DIPK1A: variants seen among roughly 807,000 people sequenced by gnomAD.
DIPK1A encodes family with sequence similarity 69 member A.
In DIPK1A, 27 loss-of-function variants were observed where a neutral mutation model predicts 40.8. The ratio of observed to expected loss-of-function variants is 0.66; its 90% CI spans 0.49 to 0.91. DIPK1A has a LOEUF of 0.91. DIPK1A is among the 40% of genes least tolerant of loss of function. DIPK1A has a pLI of 0.00. For missense variants in DIPK1A, 412 were observed against 505.7 expected, an observed-to-expected ratio of 0.81 and a Z score of 1.78; for synonymous variants, 166 against 171.3, an observed-to-expected ratio of 0.97 and a Z score of 0.24.
chr1:92,908,577 G>A (rs1649714161), intron 1 of DIPK1A, among the ~76,000 whole-genome samples: 1 of 152,166 alleles, frequency 6.6e-6, no homozygotes, highest in Non-Finnish European at 1.5e-5. Context: ...CTGAAGAGTA[G>A]GAGGTGTGAT....
chr1:92,952,752 A>T (rs1445998385), intron 1 of DIPK1A, among the ~76,000 whole-genome samples: 1 of 152,180 alleles, frequency 6.6e-6, no homozygotes, highest in Admixed American at 6.5e-5. Flanking sequence ...ATCTAAAAAA[A>T]ATCCTTTATG....
chr1:92,950,384 G>A (rs1265916680), intron 1 of DIPK1A, among the ~76,000 whole-genome samples: 3 of 152,172 alleles, frequency 2.0e-5, no homozygotes, highest in African/African-American at 7.2e-5. Context: ...GAAATGAAGA[G>A]CGGTGCTCAG....
intron 1 of DIPK1A, among the ~76,000 whole-genome samples, chr1:92,878,814 G>C (rs1648246680): frequency 7.0e-6 from 1 of 142,610 alleles, no homozygotes; most frequent in African/African-American, 2.6e-5. Context: ...GCGAGACTCT[G>C]TCTCAAAAAC....
rs537693529 is a variant in DIPK1A, at chr1:92,911,207, G to A, written c.55-34777C>T. Among the ~76,000 whole-genome samples, 12 of 152,240 alleles carry A rather than the reference G, an allele frequency of 7.9e-5. No homozygotes were observed. In the South Asian group the frequency reaches 1.2e-3, roughly 16 times the overall value. ...TAATTGTATGAGGAAGTGAGTTTTG[G>A]GGAGGTGACTAAAACATGGGGGCAG... On this transcript the variant is annotated intron_variant, in intron 1 of 4. Transcript: ENST00000370310.
intron 2 of DIPK1A, among the ~76,000 whole-genome samples, chr1:92,866,220 G>T (rs1468401807): frequency 6.6e-6 from 1 of 152,224 alleles, no homozygotes; most frequent in East Asian, 1.9e-4. Context: ...TCCTGCCTCA[G>T]CCTCCTGAGT....
At chr1:92,928,495 T>G (rs1163805123) in intron 1 of DIPK1A, among the ~76,000 whole-genome samples, 1 of 152,246 alleles carries the variant, frequency 6.6e-6, no homozygotes, top group Non-Finnish European at 1.5e-5. Flanking sequence ...TTTCTGAAGA[T>G]ATGAGTTACC....
rs1476953936 is a variant in DIPK1A at position 92,843,829 on chromosome 1, C to A, written c.841G>T (p.Asp281Tyr). 1.3e-6 allele frequency: 2 copies of A among 1,551,880 alleles called. No homozygotes were observed. Among genetic ancestry groups the A allele is most frequent in the Admixed American group, 2.0e-5 (1 of 50,994 alleles). The change falls in exon 5 of 5, where the codon GAT (aspartate) becomes TAT (tyrosine). Residue 281 changes from aspartate to tyrosine, a missense_variant. Physicochemically the swap from Asp to Tyr is radical, Grantham distance 160 (BLOSUM62 -3). Transcript: ENST00000370310. The part of the protein sequence containing the change: ...IAIGLLEFVE[D>Y]VFHGPYGNFL... Reference sequence around the variant, plus strand: ...TTTCCGTAGGGGCCATGGAAAACATCTTCCACAAATTCTAGAAGTCCTATG... The same window carrying A: ...TTTCCGTAGGGGCCATGGAAAACATATTCCACAAATTCTAGAAGTCCTATG...
At chr1:92,835,001 C>T in intron 4 of DIPK1A, 1 of 1,571,390 alleles carries the variant, frequency 6.4e-7, no homozygotes, top group Admixed American at 1.7e-5. Context: ...GATAAGATAG[C>T]TTAAGTTGTG....
intron 3 of DIPK1A, among the ~76,000 whole-genome samples, chr1:92,849,702 G>T (rs1205391546): frequency 6.6e-6 from 1 of 151,982 alleles, no homozygotes; most frequent in African/African-American, 2.4e-5. Context: ...TTAGTAGAGA[G>T]GGGGTATCGC....
At position 92,846,792 on chromosome 1, in the gene DIPK1A, CATAT is replaced by C. The variant is rs1180062565; in HGVS notation, c.474+387_474+390del. 1.9e-3 allele frequency among the ~76,000 whole-genome samples: 30 copies of C among 16,028 alleles called. 4 individuals are homozygous for C. Among genetic ancestry groups the C allele is most frequent in the Middle Eastern group, 0.083 (2 of 24 alleles). The allele number at this position is 16,028 out of a possible 152,430, so 10.5% of individuals were successfully genotyped here. ...TACAGGCACATGCCACCACTCCTGG[CATAT>C]ATATATATATATATATATATATATA... On this transcript the variant is annotated intron_variant, in intron 4 of 4. Coordinates refer to ENST00000370310, the MANE Select transcript of DIPK1A (RefSeq NM_001006605.5).
chr1:92,882,455 T>C (rs1037455545), intron 1 of DIPK1A, among the ~76,000 whole-genome samples: 5 of 152,240 alleles, frequency 3.3e-5, no homozygotes, highest in African/African-American at 1.2e-4. Context: ...CCTCCCAACA[T>C]GCTCTTGACT....
chr1:92,926,469 A>T lies in DIPK1A; in HGVS notation c.54+34907T>A, dbSNP rs750934026. On this transcript the variant is annotated intron_variant, in intron 1 of 4. Transcript: ENST00000370310. ...GGTAAAAGTTCCATGGTACCTAAAA[A>T]GACTGTTTATTCTGTATTTTTTGGG... Among the ~76,000 whole-genome samples the T allele has an allele frequency of 1.1e-4, 17 of 152,190 alleles. 1 individual carries two copies. Among genetic ancestry groups the T allele is most frequent in the Non-Finnish European group, 2.2e-4 (15 of 68,036 alleles).
At chr1:92,914,970 C>T (rs1649994102) in intron 1 of DIPK1A, among the ~76,000 whole-genome samples, 1 of 151,312 alleles carries the variant, frequency 6.6e-6, no homozygotes, top group Non-Finnish European at 1.5e-5. Context: ...CACCTATAAT[C>T]CCAGCTACTC....
At chr1:92,844,936 ATTTCTT>A (rs1687524507) in intron 4 of DIPK1A, among the ~76,000 whole-genome samples, 1 of 130,698 alleles carries the variant, frequency 7.7e-6, no homozygotes, top group Non-Finnish European at 1.6e-5. Flanking sequence ...ATATATTAGT[ATTTCTT>A]TTTTTTTTTT....
chr1:92,900,679 C>A (rs987981276), intron 1 of DIPK1A, among the ~76,000 whole-genome samples: 24 of 152,028 alleles, frequency 1.6e-4, no homozygotes, highest in Non-Finnish European at 2.9e-5. Context: ...AAATTGCAGC[C>A]CTACCCTACT....
chr1:92,845,292 G>GTTT lies in DIPK1A; in HGVS notation c.475-1100_475-1098dup, dbSNP rs71094207. Among the ~76,000 whole-genome samples the GTTT allele has an allele frequency of 2.2e-4, 21 of 97,420 alleles. 1 individual carries two copies. The highest frequency in any genetic ancestry group is 7.4e-4 in the African/African-American group (19 of 25,780). 63.9% of individuals were successfully genotyped at this position (97,420 alleles called of 152,430 possible). On this transcript the variant is annotated intron_variant, in intron 4 of 4. Coordinates refer to ENST00000370310, the MANE Select transcript of DIPK1A (RefSeq NM_001006605.5). ...TTAAAAAAATAATTTGCAGAGTACC[G>GTTT]TTTTTTTTTTTTTTTTTTTTGCATA...
chr1:92,840,592 G>A (rs1234308719), downstream of DIPK1A: 3 of 1,612,768 alleles, frequency 1.9e-6, no homozygotes, highest in East Asian at 2.2e-5. Context: ...CTATACGAGA[G>A]AATCCAGTCT....
intron 3 of DIPK1A, among the ~76,000 whole-genome samples, chr1:92,850,175 G>T (rs1202246722): frequency 6.6e-6 from 1 of 151,522 alleles, no homozygotes; most frequent in Non-Finnish European, 1.5e-5. Context: ...TCACTACATT[G>T]CCCAGGCTGG....
At chr1:92,889,106 C>A (rs1648740137) in intron 1 of DIPK1A, among the ~76,000 whole-genome samples, 1 of 152,088 alleles carries the variant, frequency 6.6e-6, no homozygotes, top group Non-Finnish European at 1.5e-5. Context: ...AAGTGTTTCC[C>A]CTAGGCTTTT....
Sources: gnomAD v4.1 joint callset for allele counts (sites outside exome capture counted in the v4.1 genomes callset) on GRCh38, gnomAD v4.1.1 for gene constraint, MANE v1.5 for transcripts, NCBI Gene and HGNC (gene_info 2026-07-23, HGNC 2026-07-21) for gene names.